LRRC9: variants seen among roughly 807,000 people sequenced by gnomAD.
The protein encoded by LRRC9 is leucine rich repeat containing 9.
A neutral mutation model predicts 63.2 loss-of-function variants in LRRC9; 122 were observed. The observed-to-expected ratio is 1.93, with a 90% CI of 1.67 to 2.24. The LOEUF is 2.24. Ranked by LOEUF, LRRC9 falls within the 30% of genes most tolerant of loss-of-function variation. The pLI is 0.00. For synonymous variants in LRRC9, 366 were observed against 213.1 expected (o/e 1.72, Z -6.25); for missense variants, 1,071 against 627.7 (o/e 1.71, Z -7.55).
At chr14:59,971,086 A>G (rs1249096060) in intron 12 of LRRC9, among the ~76,000 whole-genome samples, 1 of 151,880 alleles carries the variant, frequency 6.6e-6, no homozygotes, top group Non-Finnish European at 1.5e-5. Context: ...TTTAACTCCA[A>G]CTTGAGTTGA....
chr14:59,966,489 A>G lies in LRRC9; in HGVS notation c.1212-100A>G. ...CTGTATCTTTAGCAAAAGACACAAA[A>G]TATGAGCTATAACTTTTATCACGTA... On this transcript the variant is annotated intron_variant, in intron 10 of 31. Coordinates refer to ENST00000445360, the Ensembl canonical transcript of LRRC9. This position sits in a 1 kb window ranked among gnomAD's most constrained non-coding sequence, Gnocchi z 4.0. The G allele has an allele frequency of 4.3e-6, 2 of 463,892 alleles. No individual in the cohort carries two copies. Among genetic ancestry groups the G allele is most frequent in the Non-Finnish European group, 7.7e-6 (2 of 261,278 alleles). 28.7% of individuals were successfully genotyped at this position (463,892 alleles called of 1,614,324 possible). A position where few individuals can be genotyped will look rare whatever the true frequency, so the allele number is the denominator to read the frequency against.
rs190943846 is a variant in LRRC9 at position 60,042,579 on chromosome 14, G to A, written c.3991-10486G>A. On this transcript the variant is annotated intron_variant, in intron 29 of 31. Coordinates refer to ENST00000445360, the Ensembl canonical transcript of LRRC9. This position sits in a 1 kb window ranked among gnomAD's most constrained non-coding sequence, Gnocchi z 4.2. ...GCGGGATATAATCTCCTGTTGTGCC[G>A]TTTGCTAAGACCATTGGAAAAGCAC... Among the ~76,000 whole-genome samples, 85 of 152,316 alleles carry A rather than the reference G, an allele frequency of 5.6e-4. No individual in the cohort carries two copies. The highest frequency in any genetic ancestry group is 1.8e-3 in the African/African-American group (75 of 41,566).
intron 13 of LRRC9, among the ~76,000 whole-genome samples, chr14:59,975,312 G>T (rs1037414625): frequency 6.6e-6 from 1 of 151,060 alleles, no homozygotes; most frequent in South Asian, 2.1e-4. Context: ...AATTTAAGAT[G>T]ATAAGAAAAC....
At chr14:60,057,697 T>A in intron 30 of LRRC9, 181 bp from the exon 31 acceptor site, 1 of 347,736 alleles carries the variant, frequency 2.9e-6, no homozygotes, top group Admixed American at 4.2e-5. Context: ...GGAGGTTAAC[T>A]CCCCAAAAAG....
In LRRC9 at chr14:59,966,474, A is replaced by G; in HGVS notation, c.1212-115A>G. On this transcript the variant is annotated intron_variant, in intron 10 of 31. Coordinates refer to ENST00000445360, the Ensembl canonical transcript of LRRC9. This position sits in a 1 kb window ranked among gnomAD's most constrained non-coding sequence, Gnocchi z 4.0. ...GCCACTATATGATTACTGTATCTTT[A>G]GCAAAAGACACAAAATATGAGCTAT... 1 of 462,956 alleles carries G rather than the reference A, an allele frequency of 2.2e-6. No individual in the cohort carries two copies. Among genetic ancestry groups the G allele is most frequent in the Non-Finnish European group, 3.8e-6 (1 of 260,830 alleles). The allele number at this position is 462,956 out of a possible 1,614,324, so 28.7% of individuals were successfully genotyped here.
chr14:59,997,063 G>T (rs927361180), intron 17 of LRRC9, among the ~76,000 whole-genome samples: 2 of 151,990 alleles, frequency 1.3e-5, no homozygotes, highest in African/African-American at 4.8e-5. Context: ...AAAAATATGT[G>T]CATATAATAA....
rs2139957245 is a variant in LRRC9, at chr14:59,958,576, C to A, written c.883-1242C>A. Among the ~76,000 whole-genome samples, 1 of 152,166 alleles carries A rather than the reference C, an allele frequency of 6.6e-6. No individual in the cohort carries two copies. The highest frequency in any genetic ancestry group is 1.9e-4 in the East Asian group (1 of 5,186). Reference sequence around the variant, plus strand: ...CTTGCTGGGCTCTGTGGGAGTGGGACCCGCTGAGCAAGACCACTTGGCTCC... The same window carrying A: ...CTTGCTGGGCTCTGTGGGAGTGGGAACCGCTGAGCAAGACCACTTGGCTCC... On this transcript the variant is annotated intron_variant, in intron 8 of 31. Coordinates refer to ENST00000445360, the Ensembl canonical transcript of LRRC9. The surrounding 1 kb of genome is among the most constrained non-coding windows in gnomAD (Gnocchi z 4.0).
intron 1 of LRRC9, among the ~76,000 whole-genome samples, chr14:59,920,829 A>G (rs1000723836): frequency 1.3e-5 from 2 of 152,234 alleles, no homozygotes; most frequent in Non-Finnish European, 2.9e-5. Flanking sequence ...AAATTATACC[A>G]TATGCCTGTG....
intron 7 of LRRC9, among the ~76,000 whole-genome samples, chr14:59,939,018 T>TACAC (rs1289838723): frequency 8.6e-6 from 1 of 116,186 alleles, no homozygotes; most frequent in African/African-American, 3.7e-5. Context: ...TATACACATA[T>TACAC]ATATATACAT....
chr14:60,000,665 T>G (rs1368758147), intron 19 of LRRC9, among the ~76,000 whole-genome samples: 3 of 152,048 alleles, frequency 2.0e-5, no homozygotes, highest in African/African-American at 7.2e-5. Flanking sequence ...AACCAAAAAT[T>G]TTTTTGAAGA....
chr14:59,933,992 A>G (rs1889921807), intron 6 of LRRC9, among the ~76,000 whole-genome samples: 1 of 152,174 alleles, frequency 6.6e-6, no homozygotes, highest in Non-Finnish European at 1.5e-5. Flanking sequence ...CAAGAAAGTG[A>G]TATGATCAGA....
At chr14:59,980,587 C>G (rs1886824290) in intron 15 of LRRC9, among the ~76,000 whole-genome samples, 1 of 152,112 alleles carries the variant, frequency 6.6e-6, no homozygotes, top group South Asian at 2.1e-4. Flanking sequence ...TTGGTGTGAA[C>G]TGACTACTTT....
downstream of LRRC9, among the ~76,000 whole-genome samples, chr14:60,063,930 G>T (rs757622078): frequency 6.6e-6 from 1 of 152,132 alleles, no homozygotes; most frequent in Non-Finnish European, 1.5e-5. Flanking sequence ...CCTCAAACCA[G>T]ATCGGCCCTC....
chr14:60,022,879 A>T lies in LRRC9; in HGVS notation c.3703+9A>T, dbSNP rs1891220559. 2 of 641,896 alleles carry T rather than the reference A, an allele frequency of 3.1e-6. No individual in the cohort carries two copies. The highest frequency in any genetic ancestry group is 5.7e-6 in the Non-Finnish European group (2 of 353,888). 39.8% of individuals were successfully genotyped at this position (641,896 alleles called of 1,614,324 possible). A position where few individuals can be genotyped will look rare whatever the true frequency, so the allele number is the denominator to read the frequency against. On this transcript the variant is annotated intron_variant, in intron 27 of 31. Transcript: ENST00000445360. ...ATTCCTCTTTCTACAGGGTGAGTAG[A>T]AACACTGTTACTGTATAAGTCTTTA...
rs1266347316 is a variant in LRRC9, at chr14:60,027,839, G to A, written c.3704-45G>A. The A allele has an allele frequency of 6.6e-6, 4 of 609,856 alleles. No individual in the cohort carries two copies. The highest frequency in any genetic ancestry group is 1.2e-5 in the Non-Finnish European group (4 of 340,384). 37.8% of individuals were successfully genotyped at this position (609,856 alleles called of 1,614,324 possible). ...ATGTAAGTAGATATCCTTTACTTCAGGAAGTTTGGGCTCACTTGATATATC... is the reference window on the plus strand; with the variant it reads ...ATGTAAGTAGATATCCTTTACTTCAAGAAGTTTGGGCTCACTTGATATATC... On this transcript the variant is annotated intron_variant, in intron 27 of 31. Transcript: ENST00000445360. The surrounding 1 kb of genome is among the most constrained non-coding windows in gnomAD (Gnocchi z 4.0).
At chr14:60,036,315 A>G (rs369567083) in intron 29 of LRRC9, among the ~76,000 whole-genome samples, 1 of 152,124 alleles carries the variant, frequency 6.6e-6, no homozygotes, top group East Asian at 1.9e-4. Context: ...GGGTTCACCT[A>G]TTGTTCTCAT....
At chr14:60,054,526 T>G (rs1312612344) in intron 30 of LRRC9, among the ~76,000 whole-genome samples, 1 of 152,102 alleles carries the variant, frequency 6.6e-6, no homozygotes, top group East Asian at 1.9e-4. Flanking sequence ...CTAGACAGAT[T>G]ATTGTGTTCA....
downstream of LRRC9, chr14:60,063,595 A>G (rs757917883): frequency 2.5e-5 from 11 of 434,330 alleles, no homozygotes; most frequent in African/African-American, 4.0e-5. Flanking sequence ...TTGAATTTCT[A>G]TATCATAAAA....
At chr14:59,941,528 TAAGTAA>T (rs1881765185) in intron 7 of LRRC9, among the ~76,000 whole-genome samples, 1 of 151,972 alleles carries the variant, frequency 6.6e-6, no homozygotes, top group Admixed American at 6.6e-5. Context: ...TAAATAAGTA[TAAGTAA>T]GTTTAGTAAG....
Sources: gnomAD v4.1 joint callset for allele counts (sites outside exome capture counted in the v4.1 genomes callset) on GRCh38, gnomAD v4.1.1 for gene constraint, Gnocchi (gnomAD v3.1) non-coding constraint, MANE v1.5 for transcripts, NCBI Gene and HGNC (gene_info 2026-07-23, HGNC 2026-07-21) for gene names.